FAM13A: variants seen among roughly 807,000 people sequenced by gnomAD.
The protein encoded by FAM13A is protein FAM13A.
A neutral mutation model predicts 129.6 loss-of-function variants in FAM13A; 76 were observed. The ratio of observed to expected loss-of-function variants is 0.59; its 90% CI spans 0.49 to 0.71. The LOEUF is 0.71. Among genes scored for constraint, FAM13A ranks in the 30% least tolerant of loss-of-function variants. FAM13A has a pLI of 0.00. For synonymous variants in FAM13A, 443 were observed against 449.9 expected, an observed-to-expected ratio of 0.98 and a Z score of 0.20; for missense variants, 1,108 against 1,249.3, an observed-to-expected ratio of 0.89 and a Z score of 1.70.
At chr4:88,826,728 A>C (rs1249992541) in intron 7 of FAM13A, among the ~76,000 whole-genome samples, 1 of 152,124 alleles carries the variant, frequency 6.6e-6, no homozygotes, top group Non-Finnish European at 1.5e-5. Context: ...CCACTCCAGC[A>C]CACATCTTGC....
At chr4:88,921,415 G>A (rs1332768641) in intron 5 of FAM13A, among the ~76,000 whole-genome samples, 1 of 152,152 alleles carries the variant, frequency 6.6e-6, no homozygotes, top group Non-Finnish European at 1.5e-5. Flanking sequence ...TTAAAGAAAA[G>A]AATTTTCAAC....
intron 21 of FAM13A, chr4:88,732,420 CAG>C (rs1186521920): frequency 1.0e-5 from 4 of 396,414 alleles, no homozygotes; most frequent in Non-Finnish European, 1.8e-5. Context: ...ATAGAGAAAA[CAG>C]ACTGCAAAAC....
At chr4:88,933,029 G>A (rs1269817150) in intron 5 of FAM13A, among the ~76,000 whole-genome samples, 1 of 151,996 alleles carries the variant, frequency 6.6e-6, no homozygotes, top group Non-Finnish European at 1.5e-5. Context: ...ATCAAATAAA[G>A]CATTAAAGTA....
intron 21 of FAM13A, among the ~76,000 whole-genome samples, chr4:88,732,761 ATAT>A (rs1738121788): frequency 1.3e-5 from 2 of 152,040 alleles, no homozygotes; most frequent in Admixed American, 6.6e-5. Context: ...AGACTGAAAG[ATAT>A]TATATTCTCA....
At chr4:88,872,671 C>A (rs967802883) in intron 6 of FAM13A, among the ~76,000 whole-genome samples, 1 of 152,136 alleles carries the variant, frequency 6.6e-6, no homozygotes, top group Non-Finnish European at 1.5e-5. Context: ...GATGTAGACC[C>A]CCACACAATA....
chr4:88,731,355 CA>C lies in FAM13A; in HGVS notation c.2916del (p.Phe972LeufsTer31). On this transcript the variant is annotated frameshift_variant, in exon 23 of 24. Coordinates refer to ENST00000264344, the MANE Select transcript of FAM13A (RefSeq NM_014883.4). LOFTEE classifies it high-confidence loss of function. ...CCATTCTGTCTGAAAAAGTTGTCTT[CA>C]AAATCCCGAAGTTTCTTTCGAATCC... ...KKRIRKKLRD[F>X]EDNFFRQNGR... 6.2e-7 allele frequency: 1 copy of C among 1,608,964 alleles called. No individual in the cohort carries two copies.
chr4:88,998,072 G>A (rs188825845), intron 3 of FAM13A, among the ~76,000 whole-genome samples: 1 of 152,230 alleles, frequency 6.6e-6, no homozygotes, highest in Admixed American at 6.5e-5. Context: ...CACTATGAAT[G>A]AGTCTGGGAG....
chr4:88,747,602 G>A, intron 18 of FAM13A, 29 bp downstream of exon 18: 1 of 1,582,106 alleles, frequency 6.3e-7, no homozygotes, highest in Non-Finnish European at 8.7e-7. Context: ...CAATGGCTTA[G>A]GGCTTAGCAC....
chr4:88,852,279 A>G (rs1203939970), intron 6 of FAM13A, among the ~76,000 whole-genome samples: 1 of 151,572 alleles, frequency 6.6e-6, no homozygotes, highest in Non-Finnish European at 1.5e-5. Context: ...CTCCTTCCTC[A>G]GCCTCCTGAG....
At chr4:88,880,962 C>T (rs374984154) in intron 6 of FAM13A, among the ~76,000 whole-genome samples, 62 of 152,192 alleles carry the variant, frequency 4.1e-4, no homozygotes, top group Non-Finnish European at 5.6e-4. Flanking sequence ...CCCCTATCCC[C>T]GACAGCAGCC....
chr4:88,958,125 T>G (rs930860880), intron 4 of FAM13A, among the ~76,000 whole-genome samples: 1 of 151,660 alleles, frequency 6.6e-6, no homozygotes, highest in African/African-American at 2.4e-5. Flanking sequence ...GAGCAACCAC[T>G]TGCTAGAGAA....
intron 8 of FAM13A, among the ~76,000 whole-genome samples, chr4:88,796,445 T>C (rs1726195550): frequency 6.6e-6 from 1 of 152,044 alleles, no homozygotes; most frequent in Admixed American, 6.6e-5. Flanking sequence ...AAATTTCACA[T>C]ATGTATATAG....
chr4:88,978,419 G>C (rs938622138), intron 4 of FAM13A, among the ~76,000 whole-genome samples: 1 of 151,994 alleles, frequency 6.6e-6, no homozygotes, highest in Non-Finnish European at 1.5e-5. Context: ...ATTCCTGGCT[G>C]TAAGTAAAAG....
chr4:89,015,290 C>T (rs536948249), intron 3 of FAM13A, among the ~76,000 whole-genome samples: 2 of 152,266 alleles, frequency 1.3e-5, no homozygotes, highest in South Asian at 4.2e-4. Context: ...TATTTTATTA[C>T]CTGGTGAAGC....
chr4:88,876,892 G>A (rs142380879), intron 6 of FAM13A, among the ~76,000 whole-genome samples: 73 of 152,118 alleles, frequency 4.8e-4, no homozygotes, highest in East Asian at 1.2e-3. Flanking sequence ...CGCCCAGACC[G>A]CGTCACTTCT....
intron 4 of FAM13A, among the ~76,000 whole-genome samples, chr4:88,966,189 A>G (rs1447073532): frequency 6.6e-6 from 1 of 152,222 alleles, no homozygotes; most frequent in Non-Finnish European, 1.5e-5. Flanking sequence ...TTAAATTCTA[A>G]TTAGTTAGAA....
chr4:88,731,317 C>A lies in FAM13A; in HGVS notation c.2945+10G>T. ...GGGGGGAAGGGAGGGTGGGGGAAGACAGGCACTACCTTCCATTCTGTCTGA... is the reference window on the plus strand; with the variant it reads ...GGGGGGAAGGGAGGGTGGGGGAAGAAAGGCACTACCTTCCATTCTGTCTGA... On this transcript the variant is annotated intron_variant, in intron 23 of 23. Coordinates refer to ENST00000264344, the MANE Select transcript of FAM13A (RefSeq NM_014883.4). 4 of 1,528,044 alleles carry A rather than the reference C, an allele frequency of 2.6e-6. No individual in the cohort carries two copies. Among genetic ancestry groups the A allele is most frequent in the South Asian group, 1.1e-5 (1 of 88,818 alleles). The allele number at this position is 1,528,044 out of a possible 1,614,324, so 94.7% of individuals were successfully genotyped here.
chr4:88,941,123 A>T (rs748688771), intron 4 of FAM13A, among the ~76,000 whole-genome samples: 1 of 152,220 alleles, frequency 6.6e-6, no homozygotes. Context: ...GTTTTGGACT[A>T]AGCACAACAA....
rs756598254 is a variant in FAM13A, at chr4:88,920,555, C to T, written c.760-14093G>A. Among the ~76,000 whole-genome samples the T allele has an allele frequency of 1.0e-3, 157 of 152,220 alleles. 1 individual carries two copies. Among genetic ancestry groups the T allele is most frequent in the Non-Finnish European group, 1.7e-3 (116 of 68,022 alleles). On this transcript the variant is annotated intron_variant, in intron 5 of 23. Transcript: ENST00000264344. ...CCACACCAAAAACCCATCTGTACAT[C>T]GCCATCATCAAAGACCAAAAGTAGA...
Sources: allele counts gnomAD v4.1 joint callset (sites outside exome capture counted in the v4.1 genomes callset), GRCh38; gene constraint gnomAD v4.1.1; transcripts MANE v1.5; gene names NCBI Gene and HGNC (gene_info 2026-07-23, HGNC 2026-07-21).